CTNND2: variants seen among roughly 807,000 people sequenced by gnomAD.
The protein encoded by CTNND2 is catenin delta-2.
A neutral mutation model predicts 144.4 loss-of-function variants in CTNND2; 22 were observed. The ratio of observed to expected loss-of-function variants is 0.15; its 90% CI spans 0.11 to 0.22. CTNND2 has a LOEUF of 0.22. Ranked by LOEUF, CTNND2 falls within the 10% of genes least tolerant of loss-of-function variation. The pLI, the probability that CTNND2 is intolerant of heterozygous loss-of-function variation, is 1.00. For synonymous variants in CTNND2, 751 were observed against 695.6 expected, an observed-to-expected ratio of 1.08 and a Z score of -1.25; for missense variants, 1,353 against 1,618.8, an observed-to-expected ratio of 0.84 and a Z score of 2.82.
At chr5:11,560,665 G>T (rs1391167904) in intron 3 of CTNND2, among the ~76,000 whole-genome samples, 1 of 152,200 alleles carries the variant, frequency 6.6e-6, no homozygotes, top group Non-Finnish European at 1.5e-5. Flanking sequence ...GAGAAGAACA[G>T]AACAGAGAAA....
chr5:11,404,602 CTTTTT>C (rs555388304), intron 5 of CTNND2, among the ~76,000 whole-genome samples: 1 of 57,386 alleles, frequency 1.7e-5, no homozygotes, highest in Non-Finnish European at 4.0e-5. Flanking sequence ...TATCTGTATT[CTTTTT>C]TTTTTTTTTT....
intron 1 of CTNND2, among the ~76,000 whole-genome samples, chr5:11,822,530 C>T (rs550318272): frequency 1.4e-4 from 21 of 152,142 alleles, no homozygotes; most frequent in African/African-American, 1.2e-4. Flanking sequence ...CTGGTATTCA[C>T]GGTCTTCTCC....
intron 11 of CTNND2, among the ~76,000 whole-genome samples, chr5:11,186,138 C>T (rs534894464): frequency 3.3e-5 from 5 of 152,316 alleles, no homozygotes; most frequent in South Asian, 2.1e-4. Flanking sequence ...ATACATCTCA[C>T]GTCACCAGCC....
At chr5:11,489,651 T>G (rs1366895576) in intron 3 of CTNND2, among the ~76,000 whole-genome samples, 1 of 152,170 alleles carries the variant, frequency 6.6e-6, no homozygotes, top group Non-Finnish European at 1.5e-5. Context: ...GCAGAGAAGT[T>G]AATGAGTAAT....
intron 18 of CTNND2, among the ~76,000 whole-genome samples, chr5:11,016,711 C>A (rs1431311959): frequency 6.6e-6 from 1 of 152,170 alleles, no homozygotes; most frequent in African/African-American, 2.4e-5. Context: ...TTCCTGAATC[C>A]CTGCATGGAA....
chr5:11,499,854 A>C (rs565531780), intron 3 of CTNND2, among the ~76,000 whole-genome samples: 2 of 152,284 alleles, frequency 1.3e-5, no homozygotes, highest in South Asian at 4.1e-4. Flanking sequence ...TTTGTGATAA[A>C]AAGAAGTATT....
At chr5:11,404,705 C>T (rs938404813) in intron 5 of CTNND2, among the ~76,000 whole-genome samples, 2 of 136,496 alleles carry the variant, frequency 1.5e-5, no homozygotes, top group African/African-American at 2.6e-5. Flanking sequence ...GCAACCTCTG[C>T]TTCCCAGGTT....
chr5:11,828,903 A>G (rs1489597281), intron 1 of CTNND2, among the ~76,000 whole-genome samples: 1 of 152,134 alleles, frequency 6.6e-6, no homozygotes, highest in Non-Finnish European at 1.5e-5. Context: ...CTTTGCCCAA[A>G]ATGCTGATAA....
At chr5:11,642,138 C>T (rs1782099880) in intron 2 of CTNND2, among the ~76,000 whole-genome samples, 1 of 152,052 alleles carries the variant, frequency 6.6e-6, no homozygotes, top group Non-Finnish European at 1.5e-5. Context: ...CCCCAATTTA[C>T]ACCTACTAAA....
chr5:11,779,443 C>T (rs1790425770), intron 1 of CTNND2, among the ~76,000 whole-genome samples: 1 of 152,214 alleles, frequency 6.6e-6, no homozygotes, highest in Non-Finnish European at 1.5e-5. Context: ...GCCCTGTTGA[C>T]TCCAATCGAC....
chr5:11,433,688 G>A (rs762449353), intron 3 of CTNND2, among the ~76,000 whole-genome samples: 3 of 152,146 alleles, frequency 2.0e-5, no homozygotes, highest in Non-Finnish European at 2.9e-5. Flanking sequence ...TTCTGTGAAC[G>A]AAGAGTGAGA....
chr5:11,801,933 C>T (rs889827356), intron 1 of CTNND2, among the ~76,000 whole-genome samples: 4 of 152,138 alleles, frequency 2.6e-5, no homozygotes, highest in Admixed American at 6.5e-5. Flanking sequence ...CCAGAAAATG[C>T]GATACATTTT....
intron 1 of CTNND2, among the ~76,000 whole-genome samples, chr5:11,818,629 A>G (rs753892489): frequency 4.6e-5 from 7 of 152,136 alleles, no homozygotes; most frequent in Admixed American, 2.0e-4. Context: ...TGGCATCCCA[A>G]AGTGCTGGGA....
chr5:11,571,838 GT>G (rs1777581685), intron 2 of CTNND2, among the ~76,000 whole-genome samples: 1 of 152,004 alleles, frequency 6.6e-6, no homozygotes. Context: ...ATATCTCTGG[GT>G]TTACCAGCTC....
chr5:11,803,624 CAT>C (rs1791822752), intron 1 of CTNND2, among the ~76,000 whole-genome samples: 1 of 152,218 alleles, frequency 6.6e-6, no homozygotes, highest in South Asian at 2.1e-4. Context: ...CTGCCTGTCA[CAT>C]GTGACTCACA....
At chr5:11,447,412 T>C (rs1764917089) in intron 3 of CTNND2, among the ~76,000 whole-genome samples, 1 of 151,944 alleles carries the variant, frequency 6.6e-6, no homozygotes, top group South Asian at 2.1e-4. Flanking sequence ...AGCTGTAACT[T>C]TGAATGAAAT....
At chr5:11,019,430 T>TA (rs1346995284) in intron 17 of CTNND2, among the ~76,000 whole-genome samples, 1 of 152,206 alleles carries the variant, frequency 6.6e-6, no homozygotes, top group Non-Finnish European at 1.5e-5. Context: ...GAAATACAAT[T>TA]AGTGTGCAAA....
chr5:11,018,310 C>A (rs1309053151), intron 17 of CTNND2, among the ~76,000 whole-genome samples: 3 of 152,140 alleles, frequency 2.0e-5, no homozygotes, highest in Non-Finnish European at 4.4e-5. Context: ...TCCTCTCTCT[C>A]CTCAGGCCTC....
At chr5:11,691,019 A>G (rs1356440670) in intron 2 of CTNND2, among the ~76,000 whole-genome samples, 2 of 152,166 alleles carry the variant, frequency 1.3e-5, no homozygotes. Context: ...TTTGCAGTCC[A>G]TCTAACAGTG....
Sources: allele counts gnomAD v4.1 joint callset (sites outside exome capture counted in the v4.1 genomes callset), GRCh38; gene constraint gnomAD v4.1.1; transcripts MANE v1.5; gene names NCBI Gene and HGNC (gene_info 2026-07-23, HGNC 2026-07-21).